The following PTPRM variants were observed in gnomAD, a reference collection of about 807,000 sequenced individuals.
PTPRM encodes the protein protein tyrosine phosphatase receptor type M.
PTPRM carries 47 observed loss-of-function variants against 186.7 expected under a neutral mutation model. The ratio of observed to expected loss-of-function variants is 0.25; its 90% CI spans 0.20 to 0.32. The LOEUF (loss-of-function observed/expected upper bound fraction) is 0.32, where lower values mean the gene tolerates loss of function less well. PTPRM is among the 10% of genes least tolerant of loss of function. PTPRM has a pLI of 1.00. For missense variants in PTPRM, 1,494 were observed against 1,865.0 expected, an observed-to-expected ratio of 0.80 and a Z score of 3.66; for synonymous variants, 668 against 674.9, an observed-to-expected ratio of 0.99 and a Z score of 0.16.
Position 7,888,181 on chromosome 18 carries a change from A to G in PTPRM, c.272A>G (p.Glu91Gly). ...CACCTGCTCTTACCCCAACTTAAAG[A>G]AAATGACACCCACTGCATCGATTTT... ...RAHLLLPQLKENDTHCIDFHY... is the reference protein window; with the variant it reads ...RAHLLLPQLKGNDTHCIDFHY... Residue 91 changes from glutamate (E) to glycine (G), a missense_variant, in exon 3 of 33, where the codon GAA becomes GGA. Glu to Gly is a moderately conservative substitution (Grantham distance 98). Transcript: ENST00000580170. 1 of 1,614,162 alleles carries G rather than the reference A, an allele frequency of 6.2e-7. No homozygotes were observed. Among genetic ancestry groups the G allele is most frequent in the Non-Finnish European group, 8.5e-7 (1 of 1,180,018 alleles).
chr18:7,871,454 G>A (rs544189445), intron 2 of PTPRM, among the ~76,000 whole-genome samples: 125 of 152,090 alleles, frequency 8.2e-4, no homozygotes, highest in Non-Finnish European at 1.5e-3. Flanking sequence ...TTACAACTTC[G>A]TGTTTTAATT....
chr18:8,379,241 A>G lies in PTPRM; in HGVS notation c.3687A>G (p.Lys1229=), dbSNP rs2095716012. 1.2e-6 allele frequency: 2 copies of G among 1,613,982 alleles called. No homozygotes were observed. The highest frequency in any genetic ancestry group is 2.2e-5 in the South Asian group (2 of 91,076). The change falls in exon 28 of 33, where the codon AAA becomes AAG. Residue 1229 remains lysine (K), a synonymous_variant. Coordinates refer to ENST00000580170, the MANE Select transcript of PTPRM (RefSeq NM_001105244.2). ...SIALLPRNHE[K]NRCMDILPPD... The stretch of plus-strand genomic sequence containing the variant: ...CACTGTTGCCCCGGAACCATGAGAA[A>G]AACCGGTGCATGGACATCCTGCCCC...
chr18:7,820,494 C>A (rs2045126140), intron 2 of PTPRM, among the ~76,000 whole-genome samples: 1 of 152,130 alleles, frequency 6.6e-6, no homozygotes, highest in South Asian at 2.1e-4. Context: ...TTGTGTGATT[C>A]TTGAGGAGAG....
At chr18:7,661,060 C>G (rs9955885) in intron 1 of PTPRM, among the ~76,000 whole-genome samples, 47,164 of 152,142 alleles carry the variant, frequency 0.31, 11,372 homozygotes, top group African/African-American at 0.67. Context: ...TGAATCACTT[C>G]AGGCTACAGC....
chr18:8,341,325 A>C (rs926622761), intron 22 of PTPRM, among the ~76,000 whole-genome samples: 6 of 152,200 alleles, frequency 3.9e-5, no homozygotes, highest in Admixed American at 2.6e-4. Context: ...CCATCCATTC[A>C]TTGATTCACT....
intron 7 of PTPRM, among the ~76,000 whole-genome samples, chr18:7,985,272 A>C (rs1222438241): frequency 1.4e-4 from 11 of 77,334 alleles, no homozygotes; most frequent in African/African-American, 2.7e-4. Flanking sequence ...TATACATATA[A>C]TAGTATATAC....
At chr18:7,716,773 A>G (rs2040342250) in intron 1 of PTPRM, among the ~76,000 whole-genome samples, 1 of 152,234 alleles carries the variant, frequency 6.6e-6, no homozygotes, top group Non-Finnish European at 1.5e-5. Context: ...CAAAACCACA[A>G]TGAGATACCA....
intron 23 of PTPRM, among the ~76,000 whole-genome samples, chr18:8,363,669 T>C (rs971817508): frequency 1.3e-5 from 2 of 152,200 alleles, no homozygotes; most frequent in African/African-American, 2.4e-5. Context: ...AAAGTCAAGC[T>C]GAACCTCTTG....
intron 8 of PTPRM, among the ~76,000 whole-genome samples, chr18:8,075,425 A>G (rs1251055975): frequency 2.0e-5 from 3 of 152,102 alleles, no homozygotes; most frequent in Non-Finnish European, 2.9e-5. Flanking sequence ...AAAAAATGTG[A>G]TCATGTGCCC....
At position 8,229,436 on chromosome 18, in the gene PTPRM, A is replaced by G. The variant is rs566202236; in HGVS notation, c.2301-14622A>G. Among the ~76,000 whole-genome samples the G allele has an allele frequency of 2.6e-5, 4 of 152,288 alleles. No homozygotes were observed. In the South Asian group the frequency reaches 8.3e-4, roughly 32 times the overall value. On this transcript the variant is annotated intron_variant, in intron 14 of 32. Coordinates refer to ENST00000580170, the MANE Select transcript of PTPRM (RefSeq NM_001105244.2). ...ACTCTACAGTTAGAAAACTTTAGGT[A>G]CTCGTGCCCTCTCCAGAAAGCAGCA...
At chr18:7,666,956 C>A (rs2039110135) in intron 1 of PTPRM, among the ~76,000 whole-genome samples, 1 of 152,104 alleles carries the variant, frequency 6.6e-6, no homozygotes. Context: ...TGTGCCACTC[C>A]AGGCCATGTT....
At chr18:7,862,385 C>T (rs1263408724) in intron 2 of PTPRM, among the ~76,000 whole-genome samples, 2 of 152,148 alleles carry the variant, frequency 1.3e-5, no homozygotes, top group African/African-American at 4.8e-5. Context: ...GCTTTGTCAA[C>T]TACATCATAT....
intron 20 of PTPRM, among the ~76,000 whole-genome samples, chr18:8,301,614 G>A (rs1239289665): frequency 6.6e-6 from 1 of 152,226 alleles, no homozygotes; most frequent in East Asian, 1.9e-4. Flanking sequence ...CCAAACCACA[G>A]TCATTCTTTC....
intron 1 of PTPRM, among the ~76,000 whole-genome samples, chr18:7,683,795 A>G (rs2036792188): frequency 6.6e-6 from 1 of 152,162 alleles, no homozygotes; most frequent in Non-Finnish European, 1.5e-5. Flanking sequence ...TGCTCAGGGT[A>G]TCAGGAAGCC....
intron 1 of PTPRM, among the ~76,000 whole-genome samples, chr18:7,772,033 C>T (rs1386799125): frequency 6.6e-6 from 1 of 152,202 alleles, no homozygotes; most frequent in Non-Finnish European, 1.5e-5. Flanking sequence ...GACCAGCACC[C>T]TGTCTGCACT....
chr18:8,359,681 G>A (rs1163271423), intron 23 of PTPRM, among the ~76,000 whole-genome samples: 2 of 152,204 alleles, frequency 1.3e-5, no homozygotes, highest in Non-Finnish European at 2.9e-5. Context: ...AAGTGCACCT[G>A]GGACCGATGC....
intron 14 of PTPRM, among the ~76,000 whole-genome samples, chr18:8,159,626 C>A (rs898909485): frequency 6.6e-6 from 1 of 152,200 alleles, no homozygotes; most frequent in Non-Finnish European, 1.5e-5. Context: ...GCTTTGCTTA[C>A]TGTGTCCCTC....
At position 8,113,645 on chromosome 18, in the gene PTPRM, T is replaced by A. The variant is rs532753831; in HGVS notation, c.2016T>A (p.Ala672=). The A allele has an allele frequency of 5.8e-5, 93 of 1,614,014 alleles. 3 individuals carry two copies. The South Asian group carries it at 1.0e-3, about 18-fold the overall frequency. Residue 672 remains alanine (A), a synonymous_variant, in exon 12 of 33, where the codon GCT becomes GCA. Coordinates refer to ENST00000580170, the MANE Select transcript of PTPRM (RefSeq NM_001105244.2). ...AATTTCCTGCAGACAGCCTCCAAGC[T>A]GCGCAGCCTTTTACAATTGGTGATA... The part of the protein sequence containing the change: ...AAEFPADSLQ[A]AQPFTIGDNK...
chr18:7,792,177 C>A (rs1182913414), intron 2 of PTPRM, among the ~76,000 whole-genome samples: 1 of 152,126 alleles, frequency 6.6e-6, no homozygotes, highest in Non-Finnish European at 1.5e-5. Flanking sequence ...TCTTAATAAA[C>A]CAAAATGCTA....
Sources: gnomAD v4.1 joint callset for allele counts (sites outside exome capture counted in the v4.1 genomes callset) on GRCh38, gnomAD v4.1.1 for gene constraint, MANE v1.5 for transcripts, NCBI Gene and HGNC (gene_info 2026-07-23, HGNC 2026-07-21) for gene names.